The following DNAAF1 variants were observed in gnomAD, a reference collection of about 807,000 sequenced individuals.
The protein encoded by DNAAF1 is dynein assembly factor 1, axonemal.
Under a neutral mutation model 71.1 loss-of-function variants are expected in DNAAF1, and 65 were observed. The observed-to-expected ratio is 0.91, with a 90% CI of 0.75 to 1.12. The LOEUF (loss-of-function observed/expected upper bound fraction) is 1.12, where lower values mean the gene tolerates loss of function less well. Among genes scored for constraint, DNAAF1 ranks in the 50% most tolerant of loss-of-function variants. DNAAF1 has a pLI of 0.00. For missense variants in DNAAF1, 1,178 were observed against 899.8 expected, an observed-to-expected ratio of 1.31 and a Z score of -3.96; for synonymous variants, 414 against 354.6, an observed-to-expected ratio of 1.17 and a Z score of -1.88.
At position 84,155,650 on chromosome 16, in the gene DNAAF1, G is replaced by A. The variant is rs755881236; in HGVS notation, c.642G>A (p.Gln214=). ...HNHLETVEDI[Q]HLQECLRLCV... is the part of the protein sequence containing the mutation. ...ACCTGGAGACCGTGGAGGACATTCA[G>A]CATCTACAAGAGTGTTTGAGGCTTT... The change falls in exon 5 of 12, where the codon CAG becomes CAA. Residue 214 remains glutamine, a synonymous_variant. Transcript: ENST00000378553. 6.2e-7 allele frequency: 1 copy of A among 1,614,174 alleles called. No individual in the cohort carries two copies. Among genetic ancestry groups the A allele is most frequent in the Non-Finnish European group, 8.5e-7 (1 of 1,180,042 alleles).
At chr16:84,158,218 AC>A (rs1409485998) in intron 5 of DNAAF1, among the ~76,000 whole-genome samples, 4 of 152,120 alleles carry the variant, frequency 2.6e-5, no homozygotes, top group Non-Finnish European at 4.4e-5. Flanking sequence ...CCAAAAAAAA[AC>A]AAAAACAAAA....
chr16:84,155,433 T>A (rs2087380524), intron 4 of DNAAF1, 150 bp from the exon 5 acceptor site: 1 of 867,304 alleles, frequency 1.2e-6, no homozygotes, highest in African/African-American at 1.7e-5. Context: ...CTCACTGTGT[T>A]GCCCAGGCTG....
At chr16:84,172,002 C>G (rs913150529) in intron 8 of DNAAF1, among the ~76,000 whole-genome samples, 1 of 152,030 alleles carries the variant, frequency 6.6e-6, no homozygotes, top group Non-Finnish European at 1.5e-5. Context: ...CTCAGCCTCC[C>G]AAGTAGCTGA....
At position 84,172,454 on chromosome 16, in the gene DNAAF1, G is replaced by A. The variant is rs534153423; in HGVS notation, c.1644+79G>A. 1.1e-5 allele frequency: 17 copies of A among 1,565,364 alleles called. No individual in the cohort carries two copies. In the South Asian group the frequency reaches 1.9e-4, roughly 17 times the overall value. On this transcript the variant is annotated intron_variant, in intron 9 of 11. Transcript: ENST00000378553. ...TAGGTAATCAGATGCAGACTTTGGA[G>A]ACCCTCGATACCCCAAGTGTGGTCC...
At chr16:84,174,889 T>A in intron 10 of DNAAF1, 167 bp downstream of exon 10, 1 of 896,966 alleles carries the variant, frequency 1.1e-6, no homozygotes, top group Non-Finnish European at 1.7e-6. Flanking sequence ...AGAGTCTGGC[T>A]CTGTCACCCA....
Position 84,169,842 on chromosome 16 carries a change from G to T in DNAAF1, c.1031-17G>T. On this transcript the variant is annotated splice_polypyrimidine_tract_variant and intron_variant, in intron 7 of 11. Coordinates refer to ENST00000378553, the MANE Select transcript of DNAAF1 (RefSeq NM_178452.6). ...CCAGGACACTCCCACATTCACCTTT[G>T]CATTTTCTGCCATTAGGGGAGATGA... 6.2e-7 allele frequency: 1 copy of T among 1,613,198 alleles called. No individual in the cohort carries two copies. The highest frequency in any genetic ancestry group is 1.1e-5 in the South Asian group (1 of 91,030).
chr16:84,172,302 C>T lies in DNAAF1; in HGVS notation c.1571C>T (p.Thr524Ile). 13 of 1,614,164 alleles carry T rather than the reference C, an allele frequency of 8.1e-6. No homozygotes were observed. The highest frequency in any genetic ancestry group is 1.1e-5 in the Non-Finnish European group (13 of 1,180,026). The change falls in exon 9 of 12, where the codon ACA (threonine) becomes ATA (isoleucine). Residue 524 changes from threonine to isoleucine, a missense_variant. Thr to Ile is a moderately conservative substitution (Grantham distance 89). Transcript: ENST00000378553. ...GTGGCCACTGAGGGTGTATTCGTTA[C>T]AGAACTTGATGGAACGAGAACGGAA... ...QAVATEGVFVTELDGTRTEDL... is the reference protein window; with the variant it reads ...QAVATEGVFVIELDGTRTEDL...
At chr16:84,149,535 CA>C (rs2087082445) in intron 2 of DNAAF1, among the ~76,000 whole-genome samples, 1 of 151,206 alleles carries the variant, frequency 6.6e-6, no homozygotes, top group Non-Finnish European at 1.5e-5. Flanking sequence ...ACTAAAAATA[CA>C]AAAAATTAGC....
In DNAAF1 at chr16:84,170,180, C is replaced by G; in HGVS notation, c.1352C>G (p.Pro451Arg). The change falls in exon 8 of 12, where the codon CCA becomes CGA. Residue 451 changes from proline (P) to arginine (R), a missense_variant. Coordinates refer to ENST00000378553, the MANE Select transcript of DNAAF1 (RefSeq NM_178452.6). ...TLPAEAPPPP[P>R]PVEVKGEDGD... is the part of the protein sequence containing the mutation. ...CCAGCTGAGGCCCCACCACCCCCGC[C>G]ACCTGTGGAGGTTAAAGGAGAGGAT... 1.2e-6 allele frequency: 2 copies of G among 1,611,812 alleles called. No individual in the cohort carries two copies. The highest frequency in any genetic ancestry group is 1.7e-6 in the Non-Finnish European group (2 of 1,178,718).
chr16:84,164,784 G>C lies in DNAAF1; in HGVS notation c.864-999G>C, dbSNP rs185618202. Among the ~76,000 whole-genome samples the C allele has an allele frequency of 9.5e-4, 145 of 152,302 alleles. 1 individual carries two copies. Among genetic ancestry groups the C allele is most frequent in the African/African-American group, 3.4e-3 (142 of 41,558 alleles). ...TCAACTCATTTGAGTAAATACTCAG[G>C]AGCACAATTGCTGGATCATATGGTG... On this transcript the variant is annotated intron_variant, in intron 6 of 11. Coordinates refer to ENST00000378553, the MANE Select transcript of DNAAF1 (RefSeq NM_178452.6).
chr16:84,170,774 G>A (rs111826771), intron 8 of DNAAF1, among the ~76,000 whole-genome samples: 125 of 152,274 alleles, frequency 8.2e-4, no homozygotes, highest in Non-Finnish European at 1.5e-3. Context: ...TGAGGCTGCA[G>A]TGAGCCAAGA....
At chr16:84,159,599 C>G in intron 5 of DNAAF1, 76 bp from the exon 6 acceptor site, 1 of 1,532,528 alleles carries the variant, frequency 6.5e-7, no homozygotes, top group Non-Finnish European at 8.8e-7. Context: ...TTCATTTATT[C>G]TTAGTGCACA....
At chr16:84,148,176 A>G (rs1190391731) in intron 1 of DNAAF1, among the ~76,000 whole-genome samples, 2 of 152,108 alleles carry the variant, frequency 1.3e-5, no homozygotes, top group Non-Finnish European at 2.9e-5. Context: ...AGAATTTTAT[A>G]TGAATTCTTG....
At position 84,165,849 on chromosome 16, in the gene DNAAF1, G is replaced by C. The variant is rs752852857; in HGVS notation, c.930G>C (p.Glu310Asp). The change falls in exon 7 of 12, where the codon GAG (glutamate) becomes GAC (aspartate). Residue 310 changes from glutamate to aspartate, a missense_variant. Coordinates refer to ENST00000378553, the MANE Select transcript of DNAAF1 (RefSeq NM_178452.6). Reference sequence around the variant, plus strand: ...AAAAGGAGGAGAGACAGCAGTGGGAGAGCAGGGAGCGGAAGAAGATCACAG... The same window carrying C: ...AAAAGGAGGAGAGACAGCAGTGGGACAGCAGGGAGCGGAAGAAGATCACAG... ...AAEKEERQQW[E>D]SRERKKITDS... 27 of 1,613,586 alleles carry C rather than the reference G, an allele frequency of 1.7e-5. No homozygotes were observed. In the South Asian group the frequency reaches 2.2e-4, roughly 13 times the overall value.
At chr16:84,173,081 G>C (rs1039229934) in intron 9 of DNAAF1, 2 of 986,648 alleles carry the variant, frequency 2.0e-6, no homozygotes, top group African/African-American at 1.7e-5. Context: ...ACCTTGGAGA[G>C]GTGGTCCCCT....
At chr16:84,165,979 A>T (rs1413767382) in intron 7 of DNAAF1, 30 bp downstream of exon 7, 15 of 1,606,156 alleles carry the variant, frequency 9.3e-6, no homozygotes, top group Non-Finnish European at 1.1e-5. Flanking sequence ...CAACAGCCCC[A>T]GAGTTCCTTT....
At chr16:84,148,596 C>CTCTCTCTTTTTTTTTTTTTTTTT in intron 1 of DNAAF1, among the ~76,000 whole-genome samples, 5 of 43,576 alleles carry the variant, frequency 1.1e-4, no homozygotes, top group Non-Finnish European at 2.1e-4. Context: ...CTCTCTCTCT[C>CTCTCTCTTTTTTTTTTTTTTTTT]TTTTTTTTTT....
At chr16:84,148,596 C>CTCTCTT in intron 1 of DNAAF1, among the ~76,000 whole-genome samples, 1 of 43,574 alleles carries the variant, frequency 2.3e-5, no homozygotes, top group African/African-American at 9.2e-5. Flanking sequence ...CTCTCTCTCT[C>CTCTCTT]TTTTTTTTTT....
chr16:84,158,023 T>C (rs565313332), intron 5 of DNAAF1, among the ~76,000 whole-genome samples: 115 of 152,156 alleles, frequency 7.6e-4, no homozygotes, highest in South Asian at 6.2e-3. Flanking sequence ...CTGGCTAACA[T>C]GGTGAAACCG....
Sources: gnomAD v4.1 joint callset for allele counts (sites outside exome capture counted in the v4.1 genomes callset) on GRCh38, gnomAD v4.1.1 for gene constraint, MANE v1.5 for transcripts, NCBI Gene and HGNC (gene_info 2026-07-23, HGNC 2026-07-21) for gene names.